The following USP31 variants were observed in gnomAD, a reference collection of about 807,000 sequenced individuals.
USP31 encodes the protein ubiquitin specific peptidase 31.
USP31 carries 44 observed loss-of-function variants against 119.4 expected under a neutral mutation model. That is an observed-to-expected ratio of 0.37 (90% CI 0.29 to 0.47). USP31 has a LOEUF of 0.47. Among genes scored for constraint, USP31 ranks in the 20% least tolerant of loss-of-function variants. The pLI is 0.99. For missense variants in USP31, 1,643 were observed against 1,730.2 expected, an observed-to-expected ratio of 0.95 and a Z score of 0.89; for synonymous variants, 749 against 705.6, an observed-to-expected ratio of 1.06 and a Z score of -0.97.
Position 23,149,042 on chromosome 16 carries a change from G to A in USP31, c.229C>T (p.His77Tyr). Reference sequence around the variant, plus strand: ...GGGGCGGCGCCCTCAGAGCTAAGGTGCGAGAGCGTGGACAGCGTCTTGAGA... The same window carrying A: ...GGGGCGGCGCCCTCAGAGCTAAGGTACGAGAGCGTGGACAGCGTCTTGAGA... ...RVLKTLSTLS[H>Y]LSSEGAAPDR... The change falls in exon 1 of 16, where the codon CAC (histidine) becomes TAC (tyrosine). Residue 77 changes from histidine to tyrosine, a missense_variant. Transcript: ENST00000219689. The A allele has an allele frequency of 8.1e-7, 1 of 1,241,260 alleles. No homozygotes were observed. The highest frequency in any genetic ancestry group is 1.0e-6 in the Non-Finnish European group (1 of 966,482). 76.9% of individuals were successfully genotyped at this position (1,241,260 alleles called of 1,614,324 possible). A position where few individuals can be genotyped will look rare whatever the true frequency, so the allele number is the denominator to read the frequency against.
At chr16:23,087,974 A>C (rs1344959160) in intron 7 of USP31, 139 bp from the exon 8 acceptor site, 3 of 688,130 alleles carry the variant, frequency 4.4e-6, no homozygotes, top group Non-Finnish European at 7.2e-6. Context: ...GAAACAGGAA[A>C]TTTAATGGTA....
At chr16:23,129,058 T>C (rs952535312) in intron 1 of USP31, among the ~76,000 whole-genome samples, 1 of 152,244 alleles carries the variant, frequency 6.6e-6, no homozygotes, top group Non-Finnish European at 1.5e-5. Flanking sequence ...GTCTTACATA[T>C]GCCTTTTTTA....
intron 1 of USP31, among the ~76,000 whole-genome samples, chr16:23,126,749 A>G (rs1178166250): frequency 6.6e-6 from 1 of 152,218 alleles, no homozygotes; most frequent in Admixed American, 6.5e-5. Flanking sequence ...CATTATAAGG[A>G]GCAAATAAAA....
chr16:23,073,967 T>G (rs1208955073), intron 13 of USP31, 87 bp from the exon 14 acceptor site: 2 of 1,574,916 alleles, frequency 1.3e-6, no homozygotes, highest in South Asian at 2.2e-5. Context: ...TTGGCTCATC[T>G]AATTAACTCA....
intron 1 of USP31, among the ~76,000 whole-genome samples, chr16:23,121,379 C>T (rs1182760827): frequency 3.9e-5 from 6 of 152,194 alleles, no homozygotes; most frequent in Non-Finnish European, 8.8e-5. Flanking sequence ...TAAAAACCAA[C>T]ACAGACACCT....
At chr16:23,103,816 G>C (rs1293020812) in intron 5 of USP31, among the ~76,000 whole-genome samples, 1 of 152,138 alleles carries the variant, frequency 6.6e-6, no homozygotes. Context: ...TTGGGAAGCT[G>C]AGGTGGGAGG....
intron 12 of USP31, among the ~76,000 whole-genome samples, chr16:23,081,019 T>A (rs978249311): frequency 6.6e-6 from 1 of 151,892 alleles, no homozygotes; most frequent in African/African-American, 2.4e-5. Context: ...AGGTGAAAAA[T>A]CAATTAAAAT....
chr16:23,068,457 C>T lies in USP31; in HGVS notation c.3648G>A (p.Lys1216=), dbSNP rs1260516504. The part of the protein sequence containing the change: ...SPSTSIKSGL[K]RDSKSEDKGL... ...CCTTGTCCTCAGACTTGCTGTCCCT[C>T]TTCAAACCAGACTTGATGCTTGTGC... is the stretch of plus-strand genomic sequence containing the variant. The change falls in exon 16 of 16, where the codon AAG becomes AAA. Residue 1216 remains lysine, a synonymous_variant. Transcript: ENST00000219689. 1.2e-6 allele frequency: 2 copies of T among 1,613,572 alleles called. No individual in the cohort carries two copies. The highest frequency in any genetic ancestry group is 4.5e-5 in the East Asian group (2 of 44,848).
intron 4 of USP31, among the ~76,000 whole-genome samples, chr16:23,105,790 T>G (rs1055151735): frequency 6.6e-6 from 1 of 152,198 alleles, no homozygotes; most frequent in Non-Finnish European, 1.5e-5. Context: ...AAAATGAACA[T>G]TCTATGAAGC....
intron 1 of USP31, among the ~76,000 whole-genome samples, chr16:23,140,891 T>C (rs1903334835): frequency 6.6e-6 from 1 of 152,162 alleles, no homozygotes; most frequent in East Asian, 1.9e-4. Flanking sequence ...ATCAATCCAT[T>C]AGCAAGTTCT....
intron 1 of USP31, among the ~76,000 whole-genome samples, chr16:23,129,439 T>C (rs1465598412): frequency 6.6e-6 from 1 of 152,138 alleles, no homozygotes; most frequent in Admixed American, 6.5e-5. Flanking sequence ...GACAATGGCA[T>C]TATCATTTTT....
chr16:23,126,930 CTTATAT>C (rs1237288098), intron 1 of USP31, among the ~76,000 whole-genome samples: 5 of 152,036 alleles, frequency 3.3e-5, no homozygotes, highest in African/African-American at 1.2e-4. Context: ...TACATACTGC[CTTATAT>C]TTAAACAATG....
intron 1 of USP31, among the ~76,000 whole-genome samples, chr16:23,120,468 T>C (rs1211326536): frequency 6.6e-6 from 1 of 152,200 alleles, no homozygotes; most frequent in Non-Finnish European, 1.5e-5. Context: ...ATAGTAACTC[T>C]AAACCCAAAG....
chr16:23,110,831 TAAAGAG>T (rs1902290659), intron 1 of USP31, among the ~76,000 whole-genome samples: 2 of 151,612 alleles, frequency 1.3e-5, no homozygotes, highest in Non-Finnish European at 2.9e-5. Flanking sequence ...TATATGGGAG[TAAAGAG>T]AAATCAGGGG....
chr16:23,148,731 C>A lies in USP31; in HGVS notation c.540G>T (p.Ala180=), dbSNP rs1390172414. The change falls in exon 1 of 16, where the codon GCG becomes GCT. Residue 180 remains alanine, a synonymous_variant. Transcript: ENST00000219689. The part of the protein sequence containing the change: ...PDPEQPAGRG[A]QGQGEVTEQL... ...GCTCAGTGACCTCGCCCTGGCCCTGCGCGCCGCGGCCCGCAGGCTGCTCCG... is the reference window on the plus strand; with the variant it reads ...GCTCAGTGACCTCGCCCTGGCCCTGAGCGCCGCGGCCCGCAGGCTGCTCCG... 1 of 1,482,898 alleles carries A rather than the reference C, an allele frequency of 6.7e-7. No homozygotes were observed. Among genetic ancestry groups the A allele is most frequent in the Non-Finnish European group, 8.9e-7 (1 of 1,119,548 alleles). The allele number at this position is 1,482,898 out of a possible 1,614,324, so 91.9% of individuals were successfully genotyped here. A position where few individuals can be genotyped will look rare whatever the true frequency, so the allele number is the denominator to read the frequency against.
At position 23,121,133 on chromosome 16, in the gene USP31, T is replaced by C. The variant is rs150366325; in HGVS notation, c.634-12950A>G. ...CTTAGTAGTAACTAAGGGAGATTATTCATAAGCAGATCCAGCAAGTTTCAC... is the reference window on the plus strand; with the variant it reads ...CTTAGTAGTAACTAAGGGAGATTATCCATAAGCAGATCCAGCAAGTTTCAC... On this transcript the variant is annotated intron_variant, in intron 1 of 15. Transcript: ENST00000219689. Among the ~76,000 whole-genome samples, 7 of 152,326 alleles carry C rather than the reference T, an allele frequency of 4.6e-5. No homozygotes were observed. In the East Asian group the frequency reaches 1.4e-3, roughly 29 times the overall value.
chr16:23,144,533 G>A (rs982081149), intron 1 of USP31, among the ~76,000 whole-genome samples: 12 of 151,664 alleles, frequency 7.9e-5, no homozygotes, highest in Non-Finnish European at 1.6e-4. Flanking sequence ...AGGCTGGAGC[G>A]CAGTGACATG....
intron 1 of USP31, 68 bp downstream of exon 1, chr16:23,148,570 A>G (rs573927000): frequency 5.0e-6 from 7 of 1,392,838 alleles, no homozygotes; most frequent in African/African-American, 1.5e-5. Flanking sequence ...CGAGGGAAGG[A>G]AGACCTGGGC....
intron 1 of USP31, among the ~76,000 whole-genome samples, chr16:23,123,704 A>C (rs1283969704): frequency 6.6e-6 from 1 of 152,254 alleles, no homozygotes; most frequent in Non-Finnish European, 1.5e-5. Flanking sequence ...AAAGCAGATT[A>C]GAAACTGCAA....
Sources: allele counts gnomAD v4.1 joint callset (sites outside exome capture counted in the v4.1 genomes callset), GRCh38; gene constraint gnomAD v4.1.1; transcripts MANE v1.5; gene names NCBI Gene and HGNC (gene_info 2026-07-23, HGNC 2026-07-21).